The following TRPS1 variants were observed in gnomAD, a reference collection of about 807,000 sequenced individuals.
The protein encoded by TRPS1 is zinc finger transcription factor Trps1.
A neutral mutation model predicts 101.2 loss-of-function variants in TRPS1; 6 were observed. That is an observed-to-expected ratio of 0.06 (90% CI 0.03 to 0.12). The LOEUF (loss-of-function observed/expected upper bound fraction) is 0.12, where lower values mean the gene tolerates loss of function less well. Ranked by LOEUF, TRPS1 falls within the 10% of genes least tolerant of loss-of-function variation. The pLI, the probability that TRPS1 is intolerant of heterozygous loss-of-function variation, is 1.00. For synonymous variants in TRPS1, 578 were observed against 589.8 expected (o/e 0.98, Z 0.29); for missense variants, 1,363 against 1,567.0 (o/e 0.87, Z 2.20).
chr8:115,632,777 T>A (rs754038443), intron 1 of TRPS1, among the ~76,000 whole-genome samples: 1 of 152,114 alleles, frequency 6.6e-6, no homozygotes, highest in Non-Finnish European at 1.5e-5. Flanking sequence ...CAAAAACAAG[T>A]AGAACTATCT....
intron 5 of TRPS1, among the ~76,000 whole-genome samples, chr8:115,533,444 T>TTG (rs1450390075): frequency 1.6e-5 from 2 of 126,598 alleles, no homozygotes; most frequent in African/African-American, 6.8e-5. Flanking sequence ...CTGTTTTTTT[T>TTG]TTTTTTTTTT....
chr8:115,526,476 T>G (rs1197536522), intron 5 of TRPS1, among the ~76,000 whole-genome samples: 1 of 152,204 alleles, frequency 6.6e-6, no homozygotes, highest in African/African-American at 2.4e-5. Context: ...TTCAACATTC[T>G]AAATCTGTTG....
intron 5 of TRPS1, among the ~76,000 whole-genome samples, chr8:115,444,429 C>T (rs1030066012): frequency 2.0e-5 from 3 of 152,222 alleles, no homozygotes; most frequent in Non-Finnish European, 2.9e-5. Context: ...AACTGATGTA[C>T]GTTCTTCCTA....
chr8:115,408,536 G>A lies in TRPS1; in HGVS notation c.*5487C>T, dbSNP rs1812709680. On this transcript the variant is annotated 3_prime_UTR_variant, in exon 7 of 7. Transcript: ENST00000395715. ...AAAACTTTATTATTCAAGTTTAGAT[G>A]TAACAGACATCTTTGCTGCCTGAAG... 1 of 149,870 alleles carries A rather than the reference G, an allele frequency of 6.7e-6. No individual in the cohort carries two copies. Among genetic ancestry groups the A allele is most frequent in the South Asian group, 2.1e-4 (1 of 4,716 alleles). The allele number at this position is 149,870 out of a possible 1,614,324, so 9.3% of individuals were successfully genotyped here. A position where few individuals can be genotyped will look rare whatever the true frequency, so the allele number is the denominator to read the frequency against.
chr8:115,429,082 C>T (rs530320556), intron 5 of TRPS1, among the ~76,000 whole-genome samples: 3 of 152,232 alleles, frequency 2.0e-5, no homozygotes, highest in South Asian at 4.1e-4. Flanking sequence ...ATTTCCTTAA[C>T]AATAATGATG....
chr8:115,634,020 CAACAA>C (rs1392572319), intron 1 of TRPS1, among the ~76,000 whole-genome samples: 3 of 137,066 alleles, frequency 2.2e-5, no homozygotes, highest in African/African-American at 1.1e-4. Context: ...CAAACAACAA[CAACAA>C]AAAAAAAGGC....
chr8:115,469,867 A>G (rs1814423019), intron 5 of TRPS1, among the ~76,000 whole-genome samples: 2 of 152,124 alleles, frequency 1.3e-5, no homozygotes, highest in African/African-American at 2.4e-5. Context: ...TGCCATATCA[A>G]TGCTACCCAT....
chr8:115,491,520 G>C (rs1815020486), intron 5 of TRPS1, among the ~76,000 whole-genome samples: 1 of 152,096 alleles, frequency 6.6e-6, no homozygotes, highest in African/African-American at 2.4e-5. Flanking sequence ...TATGCCTGTA[G>C]TCCCCACTAC....
chr8:115,564,731 C>G (rs925853926), intron 5 of TRPS1, among the ~76,000 whole-genome samples: 1 of 152,088 alleles, frequency 6.6e-6, no homozygotes, highest in African/African-American at 2.4e-5. Context: ...TTTCTGTCCA[C>G]TCCTGTAGCA....
chr8:115,626,068 C>T (rs920174072), intron 1 of TRPS1, among the ~76,000 whole-genome samples: 1 of 151,664 alleles, frequency 6.6e-6, no homozygotes, highest in African/African-American at 2.4e-5. Flanking sequence ...ATTAATTACA[C>T]ATTTCATGTA....
At chr8:115,660,176 G>T (rs1319843272) in intron 1 of TRPS1, among the ~76,000 whole-genome samples, 1 of 151,874 alleles carries the variant, frequency 6.6e-6, no homozygotes, top group Non-Finnish European at 1.5e-5. Context: ...AAACATATCT[G>T]ATCTTCCATA....
rs1390166119 is a variant in TRPS1, at chr8:115,413,215, A to G, written c.*808T>C. On this transcript the variant is annotated 3_prime_UTR_variant, in exon 7 of 7. Transcript: ENST00000395715. ...TACTGGTTCATCACACACAAGAAAGAAATACCTGGCTAAAATGAAATCACT... is the reference window on the plus strand; with the variant it reads ...TACTGGTTCATCACACACAAGAAAGGAATACCTGGCTAAAATGAAATCACT... 6.6e-6 allele frequency: 1 copy of G among 152,154 alleles called. No homozygotes were observed. The highest frequency in any genetic ancestry group is 2.4e-5 in the African/African-American group (1 of 41,434). 9.4% of individuals were successfully genotyped at this position (152,154 alleles called of 1,614,324 possible). A position where few individuals can be genotyped will look rare whatever the true frequency, so the allele number is the denominator to read the frequency against.
At chr8:115,660,921 C>T (rs1403051874) in intron 1 of TRPS1, among the ~76,000 whole-genome samples, 6 of 151,954 alleles carry the variant, frequency 3.9e-5, no homozygotes, top group Non-Finnish European at 8.8e-5. Context: ...TTGGGTGACG[C>T]ACAGAATCCA....
At chr8:115,548,736 T>C (rs887687710) in intron 5 of TRPS1, among the ~76,000 whole-genome samples, 1 of 152,228 alleles carries the variant, frequency 6.6e-6, no homozygotes, top group Non-Finnish European at 1.5e-5. Context: ...GAGTCTATAA[T>C]TAAAGTTTCA....
chr8:115,516,518 T>C (rs1815716535), intron 5 of TRPS1, among the ~76,000 whole-genome samples: 1 of 151,602 alleles, frequency 6.6e-6, no homozygotes, highest in Non-Finnish European at 1.5e-5. Context: ...GGATGATACA[T>C]ATATATAACT....
intron 5 of TRPS1, among the ~76,000 whole-genome samples, chr8:115,455,772 T>C: frequency 6.9e-6 from 1 of 144,722 alleles, no homozygotes; most frequent in African/African-American, 2.7e-5. Context: ...TCTTTCTTTC[T>C]TTCTTTTTTT....
At chr8:115,667,320 A>G (rs13277568) in intron 1 of TRPS1, among the ~76,000 whole-genome samples, 77,941 of 151,966 alleles carry the variant, frequency 0.51, 22,519 homozygotes, top group African/African-American at 0.78. Flanking sequence ...AAACAGCTTT[A>G]CACTTCAAAC....
chr8:115,479,053 C>T (rs527954053), intron 5 of TRPS1, among the ~76,000 whole-genome samples: 17 of 151,076 alleles, frequency 1.1e-4, no homozygotes, highest in Non-Finnish European at 2.4e-4. Flanking sequence ...GCACAAGCCA[C>T]GAGTATTTTG....
chr8:115,449,531 C>T (rs1347456426), intron 5 of TRPS1, among the ~76,000 whole-genome samples: 1 of 152,298 alleles, frequency 6.6e-6, no homozygotes, highest in East Asian at 1.9e-4. Flanking sequence ...AATCCAAAGG[C>T]TTCAGAGCTT....
Sources: gnomAD v4.1 joint callset for allele counts (sites outside exome capture counted in the v4.1 genomes callset) on GRCh38, gnomAD v4.1.1 for gene constraint, MANE v1.5 for transcripts, NCBI Gene and HGNC (gene_info 2026-07-23, HGNC 2026-07-21) for gene names.